Variants in PIK3AP1 observed in about 807,000 individuals in gnomAD.
PIK3AP1 encodes phosphoinositide 3-kinase adapter protein 1.
A neutral mutation model predicts 88.1 loss-of-function variants in PIK3AP1; 21 were observed. The ratio of observed to expected loss-of-function variants is 0.24; its 90% confidence interval spans 0.17 to 0.34. The LOEUF (loss-of-function observed/expected upper bound fraction) is 0.34. Ranked by LOEUF, PIK3AP1 falls within the 10% of genes least tolerant of loss-of-function variation. The pLI is 1.00. For synonymous variants in PIK3AP1, 398 were observed against 400.0 expected (o/e 1.00, Z 0.06); for missense variants, 828 against 1,035.7 (o/e 0.80, Z 2.75).
intron 2 of PIK3AP1, among the ~76,000 whole-genome samples, chr10:96,688,670 T>C (rs560878234): frequency 5.9e-5 from 9 of 152,122 alleles, no homozygotes; most frequent in African/African-American, 1.9e-4. Context: ...TAGTGGCACA[T>C]GCCTGTAGTC....
intron 3 of PIK3AP1, among the ~76,000 whole-genome samples, chr10:96,656,196 A>C (rs1843612631): frequency 6.6e-6 from 1 of 152,196 alleles, no homozygotes; most frequent in South Asian, 2.1e-4. Context: ...ATAAAGAAAA[A>C]CCATCAGTAC....
At chr10:96,636,791 T>C (rs1429246473) in intron 8 of PIK3AP1, among the ~76,000 whole-genome samples, 1 of 152,158 alleles carries the variant, frequency 6.6e-6, no homozygotes, top group East Asian at 1.9e-4. Context: ...CACTGCACTG[T>C]ACTTGAGGAG....
chr10:96,677,620 C>CAT (rs889560622), intron 2 of PIK3AP1, among the ~76,000 whole-genome samples: 3 of 149,664 alleles, frequency 2.0e-5, no homozygotes, highest in Non-Finnish European at 4.4e-5. Context: ...CACACACACA[C>CAT]ACACACAAAA....
intron 9 of PIK3AP1, among the ~76,000 whole-genome samples, chr10:96,627,339 C>T (rs1469502260): frequency 6.6e-6 from 1 of 152,198 alleles, no homozygotes; most frequent in African/African-American, 2.4e-5. Context: ...GGAAACTTTT[C>T]ATTCTAGAGT....
At chr10:96,702,375 T>C (rs1314792146) in intron 2 of PIK3AP1, among the ~76,000 whole-genome samples, 3 of 151,880 alleles carry the variant, frequency 2.0e-5, no homozygotes, top group Admixed American at 1.3e-4. Flanking sequence ...GGCACGTGCC[T>C]GTAGTCCCAG....
chr10:96,701,705 G>A (rs1381614657), intron 2 of PIK3AP1, among the ~76,000 whole-genome samples: 1 of 152,178 alleles, frequency 6.6e-6, no homozygotes, highest in Admixed American at 6.5e-5. Context: ...TTGCATGGGG[G>A]AGGGTGGGGA....
chr10:96,653,834 T>C (rs373921498), intron 3 of PIK3AP1, among the ~76,000 whole-genome samples: 14 of 152,352 alleles, frequency 9.2e-5, no homozygotes, highest in African/African-American at 2.9e-4. Flanking sequence ...TCTGTTGCAT[T>C]GTTTTTAATG....
intron 2 of PIK3AP1, among the ~76,000 whole-genome samples, chr10:96,667,379 A>C (rs1843778578): frequency 6.6e-6 from 1 of 152,260 alleles, no homozygotes; most frequent in Admixed American, 6.5e-5. Context: ...ATAAACAAGC[A>C]TGGTTCTTAA....
rs777349754 is a variant in PIK3AP1, at chr10:96,709,808, G to A, written c.189C>T (p.Ser63=). 15 of 1,613,720 alleles carry A rather than the reference G, an allele frequency of 9.3e-6. No individual in the cohort carries two copies. Among genetic ancestry groups the A allele is most frequent in the Non-Finnish European group, 1.3e-5 (15 of 1,179,700 alleles). The change falls in exon 2 of 17, where the codon AGC becomes AGT. Residue 63 remains serine, a synonymous_variant. Coordinates refer to ENST00000339364, the MANE Select transcript of PIK3AP1 (RefSeq NM_152309.3). The stretch of plus-strand genomic sequence containing the variant: ...ACAGCAGCACCACGACACAGCGGGT[G>A]CTGAGGAAAAGGCTTAGGTCCTCTG... ...FSAEDLSLFL[S]TRCVVVLLSA... is the part of the protein sequence containing the mutation.
chr10:96,687,587 C>T (rs1175414744), intron 2 of PIK3AP1, among the ~76,000 whole-genome samples: 6 of 152,258 alleles, frequency 3.9e-5, no homozygotes, highest in South Asian at 2.1e-4. Flanking sequence ...CAGTCACCCA[C>T]GCTCAAAATC....
chr10:96,675,553 G>A (rs1843907060), intron 2 of PIK3AP1, among the ~76,000 whole-genome samples: 1 of 152,142 alleles, frequency 6.6e-6, no homozygotes, highest in African/African-American at 2.4e-5. Flanking sequence ...GATCTGCCAG[G>A]CATATTCTCA....
rs528031346 is a variant in PIK3AP1, at chr10:96,653,133, G to A, written c.568-291C>T. ...TAATAATAATAAAACTTAGCTGGGC[G>A]CGGTGGCTCACGCCTGTAATCTCAA... On this transcript the variant is annotated intron_variant, in intron 3 of 16. Coordinates refer to ENST00000339364, the MANE Select transcript of PIK3AP1 (RefSeq NM_152309.3). Among the ~76,000 whole-genome samples the A allele has an allele frequency of 8.5e-5, 13 of 152,092 alleles. No homozygotes were observed. In the East Asian group the frequency reaches 1.2e-3, roughly 14 times the overall value.
chr10:96,612,978 A>ATTT (rs1849147580), intron 13 of PIK3AP1, among the ~76,000 whole-genome samples: 1 of 46,978 alleles, frequency 2.1e-5, no homozygotes, highest in Admixed American at 3.2e-4. Flanking sequence ...ATATATATAT[A>ATTT]TATATTTTTT....
intron 10 of PIK3AP1, 115 bp downstream of exon 10, chr10:96,626,593 G>T: frequency 8.8e-7 from 1 of 1,141,184 alleles, no homozygotes. Context: ...GCTGGTTGAA[G>T]ACCATTTAGA....
Position 96,626,809 on chromosome 10 carries a change from G to T in PIK3AP1, c.1568C>A (p.Ser523Tyr). The T allele has an allele frequency of 6.2e-7, 1 of 1,614,208 alleles. No individual in the cohort carries two copies. The highest frequency in any genetic ancestry group is 8.5e-7 in the Non-Finnish European group (1 of 1,180,010). The change falls in exon 10 of 17, where the codon TCT (serine) becomes TAT (tyrosine). Residue 523 changes from serine to tyrosine, a missense_variant. By Grantham distance (144) the Ser-to-Tyr change is moderately radical. Coordinates refer to ENST00000339364, the MANE Select transcript of PIK3AP1 (RefSeq NM_152309.3). The part of the protein sequence containing the change: ...YHTVDDDEAF[S>Y]VDLASRPPVP... Reference sequence around the variant, plus strand: ...AGGGGGCCTGCTGGCCAGGTCCACAGAAAAGGCCTCATCGTCATCCACCGT... The same window carrying T: ...AGGGGGCCTGCTGGCCAGGTCCACATAAAAGGCCTCATCGTCATCCACCGT...
In PIK3AP1 at chr10:96,604,157, T is replaced by C. The variant is rs181780325; in HGVS notation, c.2171-108A>G. 6.3e-5 allele frequency: 58 copies of C among 924,816 alleles called. No individual in the cohort carries two copies. The African/African-American group carries it at 8.7e-4, about 14-fold the overall frequency. 57.3% of individuals were successfully genotyped at this position (924,816 alleles called of 1,614,324 possible). A position where few individuals can be genotyped will look rare whatever the true frequency, so the allele number is the denominator to read the frequency against. On this transcript the variant is annotated intron_variant, in intron 14 of 16. Coordinates refer to ENST00000339364, the MANE Select transcript of PIK3AP1 (RefSeq NM_152309.3). ...TTATTGATATAAATAATACATAAGCTGTAAGTATGGGGTTCTTCAAACTTT... is the reference window on the plus strand; with the variant it reads ...TTATTGATATAAATAATACATAAGCCGTAAGTATGGGGTTCTTCAAACTTT...
intron 1 of PIK3AP1, among the ~76,000 whole-genome samples, chr10:96,714,028 G>C (rs1417069133): frequency 6.6e-6 from 1 of 152,166 alleles, no homozygotes; most frequent in Non-Finnish European, 1.5e-5. Context: ...ACAAAAATTA[G>C]CCGGGCATGG....
intron 7 of PIK3AP1, among the ~76,000 whole-genome samples, chr10:96,648,361 C>A (rs1306214407): frequency 6.6e-6 from 1 of 152,132 alleles, no homozygotes; most frequent in African/African-American, 2.4e-5. Context: ...TTTCCTTTTA[C>A]CTTCAAAAGA....
intron 2 of PIK3AP1, among the ~76,000 whole-genome samples, chr10:96,707,353 C>T (rs1844377788): frequency 6.6e-6 from 1 of 152,172 alleles, no homozygotes; most frequent in African/African-American, 2.4e-5. Context: ...AGTGCAGTGG[C>T]ACAATTTCGG....
Sources: allele counts gnomAD v4.1 joint callset (sites outside exome capture counted in the v4.1 genomes callset), GRCh38; gene constraint gnomAD v4.1.1; transcripts MANE v1.5; gene names NCBI Gene and HGNC (gene_info 2026-07-23, HGNC 2026-07-21).